Variants in CAB39 observed in about 807,000 individuals in gnomAD.
CAB39 encodes calcium-binding protein 39.
Under a neutral mutation model 40.0 loss-of-function variants are expected in CAB39, and 8 were observed. That is an observed-to-expected ratio of 0.20 (90% CI 0.12 to 0.36). The LOEUF is 0.36. Ranked by LOEUF, CAB39 falls within the 10% of genes least tolerant of loss-of-function variation. CAB39 has a pLI of 1.00. For synonymous variants in CAB39, 156 were observed against 141.6 expected (o/e 1.10, Z -0.72); for missense variants, 270 against 401.1 (o/e 0.67, Z 2.79).
chr2:230,756,695 T>C (rs961605717), intron 1 of CAB39, among the ~76,000 whole-genome samples: 1 of 139,180 alleles, frequency 7.2e-6, no homozygotes. Flanking sequence ...ATTTATTTAT[T>C]TATTTATTTA....
intron 2 of CAB39, among the ~76,000 whole-genome samples, chr2:230,780,842 AGAGGCTGAG>A (rs1418776711): frequency 1.3e-5 from 2 of 152,092 alleles, no homozygotes; most frequent in Non-Finnish European, 2.9e-5. Context: ...CAACACTTTG[AGAGGCTGAG>A]GGGGCTGATA....
chr2:230,717,664 T>G (rs1161451012), intron 1 of CAB39, among the ~76,000 whole-genome samples: 1 of 152,228 alleles, frequency 6.6e-6, no homozygotes, highest in African/African-American at 2.4e-5. Flanking sequence ...ACTACAGGCC[T>G]AGGTGGCAGA....
At chr2:230,797,547 G>A (rs1696008501) in intron 4 of CAB39, among the ~76,000 whole-genome samples, 1 of 151,896 alleles carries the variant, frequency 6.6e-6, no homozygotes, top group Non-Finnish European at 1.5e-5. Context: ...ATTTTATGGA[G>A]GGGGATGAGA....
At chr2:230,764,077 G>A (rs1002614467) in intron 2 of CAB39, among the ~76,000 whole-genome samples, 13 of 151,994 alleles carry the variant, frequency 8.6e-5, no homozygotes, top group African/African-American at 2.2e-4. Flanking sequence ...AGCCAAGATC[G>A]TGCCTCTGTA....
At chr2:230,773,627 ACT>A (rs1402379826) in intron 2 of CAB39, among the ~76,000 whole-genome samples, 2 of 151,980 alleles carry the variant, frequency 1.3e-5, no homozygotes, top group Non-Finnish European at 2.9e-5. Flanking sequence ...GAAATTCAAA[ACT>A]CTACTGTGAG....
intron 1 of CAB39, among the ~76,000 whole-genome samples, chr2:230,741,759 A>G (rs1694881093): frequency 6.6e-6 from 1 of 152,260 alleles, no homozygotes; most frequent in Non-Finnish European, 1.5e-5. Flanking sequence ...TCAAATTTAA[A>G]TAAGTTTATG....
At position 230,718,921 on chromosome 2, in the gene CAB39, T is replaced by C. The variant is rs368061415; in HGVS notation, c.-44+5691T>C. The stretch of plus-strand genomic sequence containing the variant: ...CTGGAGCCTGGTTTTCTTCATTCTT[T>C]GTCCAGTTTACTTGAATTAAGTATC... On this transcript the variant is annotated intron_variant, in intron 1 of 8. Coordinates refer to ENST00000258418, the MANE Select transcript of CAB39 (RefSeq NM_016289.4). Among the ~76,000 whole-genome samples, 5 of 152,362 alleles carry C rather than the reference T, an allele frequency of 3.3e-5. No homozygotes were observed. The East Asian group carries it at 7.7e-4, about 23-fold the overall frequency.
At chr2:230,808,275 A>G (rs1696238807) in intron 5 of CAB39, among the ~76,000 whole-genome samples, 1 of 151,924 alleles carries the variant, frequency 6.6e-6, no homozygotes, top group Non-Finnish European at 1.5e-5. Flanking sequence ...TAGTAGAGAC[A>G]GGGTTTCACC....
intron 2 of CAB39, among the ~76,000 whole-genome samples, chr2:230,762,387 A>T (rs1416504716): frequency 6.6e-6 from 1 of 152,194 alleles, no homozygotes; most frequent in Non-Finnish European, 1.5e-5. Context: ...ATAGCACATA[A>T]CTTGACCTCC....
chr2:230,734,776 G>T (rs972366771), intron 1 of CAB39, among the ~76,000 whole-genome samples: 4 of 145,672 alleles, frequency 2.7e-5, no homozygotes, highest in Admixed American at 2.7e-4. Context: ...TAAAGAGCTG[G>T]CCCACAGGAT....
intron 7 of CAB39, among the ~76,000 whole-genome samples, chr2:230,815,674 G>A (rs1696387426): frequency 6.6e-6 from 1 of 152,130 alleles, no homozygotes. Flanking sequence ...TGGATAAGGA[G>A]AAAGGCCTTC....
chr2:230,715,189 T>G (rs374694417), intron 1 of CAB39, among the ~76,000 whole-genome samples: 1 of 152,212 alleles, frequency 6.6e-6, no homozygotes, highest in South Asian at 2.1e-4. Flanking sequence ...TATAAAAAAT[T>G]TTTACTCAAC....
chr2:230,767,635 A>G (rs970868149), intron 2 of CAB39, among the ~76,000 whole-genome samples: 4 of 152,234 alleles, frequency 2.6e-5, no homozygotes, highest in African/African-American at 9.6e-5. Flanking sequence ...AGCAAAGTAT[A>G]TGAGGCAGAG....
chr2:230,779,073 A>T (rs1201140317), intron 2 of CAB39: 1 of 152,230 alleles, frequency 6.6e-6, no homozygotes, highest in East Asian at 1.9e-4. Flanking sequence ...TTACTACTTA[A>T]GTTGATCCTA....
chr2:230,748,827 AAAAAATATATATATATATATAT>A (rs1695027549), intron 1 of CAB39, among the ~76,000 whole-genome samples: 4 of 56,496 alleles, frequency 7.1e-5, no homozygotes, highest in African/African-American at 1.2e-4. Context: ...AAAAAAAAAA[AAAAAATATATATATATATATAT>A]ATATATATAT....
At chr2:230,744,534 C>T (rs541986674) in intron 1 of CAB39, among the ~76,000 whole-genome samples, 1 of 151,908 alleles carries the variant, frequency 6.6e-6, no homozygotes, top group South Asian at 2.1e-4. Context: ...CCTCGTGATC[C>T]GCTCACCTTG....
intron 1 of CAB39, among the ~76,000 whole-genome samples, chr2:230,750,888 G>C (rs1264352957): frequency 6.6e-6 from 1 of 152,206 alleles, no homozygotes; most frequent in African/African-American, 2.4e-5. Flanking sequence ...GTCTAAGTCA[G>C]TTGAGGCATA....
chr2:230,776,615 TGTGA>T (rs1318514455), intron 2 of CAB39, among the ~76,000 whole-genome samples: 4 of 152,230 alleles, frequency 2.6e-5, no homozygotes, highest in African/African-American at 9.6e-5. Context: ...CACAAGTGGT[TGTGA>T]GTGTCACTAG....
chr2:230,765,347 A>G (rs900877686), intron 2 of CAB39, among the ~76,000 whole-genome samples: 2 of 152,106 alleles, frequency 1.3e-5, no homozygotes, highest in African/African-American at 4.8e-5. Flanking sequence ...TTGGTTCATG[A>G]TGGTGTCAGC....
Sources: allele counts gnomAD v4.1 joint callset (sites outside exome capture counted in the v4.1 genomes callset), GRCh38; gene constraint gnomAD v4.1.1; transcripts MANE v1.5; gene names NCBI Gene and HGNC (gene_info 2026-07-23, HGNC 2026-07-21).